Variants in MTERF4 observed in about 807,000 individuals in gnomAD.
MTERF4 encodes mitochondrial transcription termination factor 4, also known as transcription termination factor 4, mitochondrial.
Under a neutral mutation model 22.5 loss-of-function variants are expected in MTERF4, and 17 were observed. That is an observed-to-expected ratio of 0.75 (90% CI 0.52 to 1.13). MTERF4 has a LOEUF of 1.13. Among genes scored for constraint, MTERF4 ranks in the 50% most tolerant of loss-of-function variants. MTERF4 has a pLI of 0.00. For synonymous variants in MTERF4, 165 were observed against 175.3 expected (o/e 0.94, Z 0.47); for missense variants, 420 against 466.8 (o/e 0.90, Z 0.92).
downstream of MTERF4, chr2:241,088,247 C>T (rs886372816): frequency 1.2e-5 from 9 of 758,288 alleles, no homozygotes; most frequent in African/African-American, 1.7e-5. Context: ...TGTCCCCCAC[C>T]GTGGAATGTA....
the MTERF4 span, among the ~76,000 whole-genome samples, chr2:241,062,183 A>T: frequency 1.3e-5 from 2 of 152,214 alleles, no homozygotes; most frequent in Non-Finnish European, 2.9e-5. Context: ...AAGACAAGGA[A>T]ATTATAAACC....
the MTERF4 span, among the ~76,000 whole-genome samples, chr2:241,044,063 A>G: frequency 5.3e-5 from 8 of 152,334 alleles, no homozygotes; most frequent in African/African-American, 1.9e-4. Context: ...AATAATAAAG[A>G]ATTACAGCTA....
At chr2:241,065,955 G>GT in the MTERF4 span, among the ~76,000 whole-genome samples, 2 of 151,104 alleles carry the variant, frequency 1.3e-5, no homozygotes, top group Non-Finnish European at 2.9e-5. Context: ...GGGTGGGCTT[G>GT]GGGGGGCTGG....
At chr2:241,056,851 G>C in the MTERF4 span, among the ~76,000 whole-genome samples, 7 of 152,044 alleles carry the variant, frequency 4.6e-5, no homozygotes, top group Non-Finnish European at 8.8e-5. Flanking sequence ...ACAGTGCTGG[G>C]ATTACAGGCA....
At chr2:241,071,697 CGA>C, downstream of MTERF4, 1 of 1,521,354 alleles carries the variant, frequency 6.6e-7, no homozygotes, top group Non-Finnish European at 8.8e-7. Context: ...ACAGCGCCCC[CGA>C]GACCCCCACC....
chr2:241,090,434 G>A (rs1334755493), downstream of MTERF4: 1 of 1,545,962 alleles, frequency 6.5e-7, no homozygotes, highest in South Asian at 1.2e-5. Context: ...TTTTTCATAA[G>A]TAGAAGGAGT....
chr2:241,088,764 G>A, downstream of MTERF4: 1 of 281,928 alleles, frequency 3.5e-6, no homozygotes, highest in Non-Finnish European at 6.6e-6. Context: ...AGACCACCTG[G>A]CACCTGGGAG....
chr2:241,066,349 A>G, the MTERF4 span, among the ~76,000 whole-genome samples: 1 of 152,176 alleles, frequency 6.6e-6, no homozygotes, highest in Non-Finnish European at 1.5e-5. Flanking sequence ...GGGAAGGAGA[A>G]AGGAGCCCTA....
At chr2:241,049,456 C>T in the MTERF4 span, among the ~76,000 whole-genome samples, 1,474 of 152,346 alleles carry the variant, frequency 9.7e-3, 10 homozygotes, top group Non-Finnish European at 0.016. Context: ...AAATGTATCA[C>T]TACTATACGT....
the MTERF4 span, chr2:241,051,998 G>A: frequency 1.3e-6 from 2 of 1,571,128 alleles, no homozygotes; most frequent in African/African-American, 1.4e-5. The surrounding 1 kb of genome is among the most constrained non-coding windows in gnomAD (Gnocchi z 4.7). Flanking sequence ...GGGAACGTGG[G>A]AGGGGCAGTG....
the MTERF4 span, among the ~76,000 whole-genome samples, chr2:241,061,990 CCA>C: frequency 2.0e-5 from 3 of 152,096 alleles, no homozygotes; most frequent in African/African-American, 7.2e-5. Flanking sequence ...AATCTATGAA[CCA>C]CAGTGACCTA....
the MTERF4 span, chr2:241,063,301 C>T: frequency 1.9e-6 from 1 of 514,502 alleles, no homozygotes; most frequent in Non-Finnish European, 3.5e-6. Flanking sequence ...GAGGGCAAGG[C>T]CCAGGGAGCC....
At chr2:241,088,407 G>A (rs1185642442), downstream of MTERF4, 11 of 1,609,688 alleles carry the variant, frequency 6.8e-6, no homozygotes, top group African/African-American at 2.7e-5. Flanking sequence ...CTTAAGGTAC[G>A]TCCCTGCTGC....
chr2:241,045,768 A>G, the MTERF4 span, among the ~76,000 whole-genome samples: 2 of 152,106 alleles, frequency 1.3e-5, no homozygotes, highest in Non-Finnish European at 2.9e-5. Context: ...TAGATAAGAC[A>G]GCAAAAGCAT....
the MTERF4 span, chr2:241,062,657 C>A: frequency 1.4e-6 from 1 of 711,942 alleles, no homozygotes; most frequent in South Asian, 1.5e-5. Flanking sequence ...GATATCCAGC[C>A]CTGGTCTCTG....
chr2:241,082,316 C>T (rs2063366693), downstream of MTERF4: 1 of 1,613,684 alleles, frequency 6.2e-7, no homozygotes, highest in Admixed American at 1.7e-5. Context: ...AGGCTGTTCT[C>T]CGAGACAAAG....
At chr2:241,048,492 G>C in the MTERF4 span, 1 of 1,553,638 alleles carries the variant, frequency 6.4e-7, no homozygotes, top group Non-Finnish European at 8.7e-7. Context: ...AGGAGACCCA[G>C]GGAGGGCCTT....
chr2:241,086,217 G>C (rs903779986), downstream of MTERF4, among the ~76,000 whole-genome samples: 1 of 152,152 alleles, frequency 6.6e-6, no homozygotes, highest in Non-Finnish European at 1.5e-5. Flanking sequence ...CTCTACTCTG[G>C]CTCTGGAAAT....
chr2:241,102,184 G>A (rs2064744004), intron 1 of MTERF4, 69 bp downstream of exon 1: 5 of 1,545,224 alleles, frequency 3.2e-6, no homozygotes, highest in Non-Finnish European at 4.4e-6. Context: ...CTCGGCGGCC[G>A]CGGTTCCTCT....
Sources: allele counts gnomAD v4.1 joint callset (sites outside exome capture counted in the v4.1 genomes callset), GRCh38; gene constraint gnomAD v4.1.1; non-coding constraint Gnocchi (gnomAD v3.1); transcripts MANE v1.5; gene names NCBI Gene and HGNC (gene_info 2026-07-23, HGNC 2026-07-21).